The following RHOU variants were observed in gnomAD, a reference collection of about 807,000 sequenced individuals.
RHOU encodes the protein ras homolog family member U.
RHOU carries 8 observed loss-of-function variants against 12.6 expected under a neutral mutation model. That is an observed-to-expected ratio of 0.64 (90% CI 0.37 to 1.15). RHOU has a LOEUF of 1.15. Ranked by LOEUF, RHOU falls within the 50% of genes most tolerant of loss-of-function variation. RHOU has a pLI of 0.01. For missense variants in RHOU, 258 were observed against 347.0 expected, an observed-to-expected ratio of 0.74 and a Z score of 2.04; for synonymous variants, 161 against 147.4, an observed-to-expected ratio of 1.09 and a Z score of -0.67.
At chr1:228,647,602 C>A in the RHOU span, among the ~76,000 whole-genome samples, 1 of 152,172 alleles carries the variant, frequency 6.6e-6, no homozygotes, top group East Asian at 1.9e-4. Context: ...GTTGCGACTG[C>A]GCCGGATGAG....
Position 228,744,011 on chromosome 1 carries a change from T to C in RHOU, c.*271T>C, listed in dbSNP as rs1057100384. 5.6e-6 allele frequency: 2 copies of C among 357,730 alleles called. No homozygotes were observed. The highest frequency in any genetic ancestry group is 9.0e-5 in the Admixed American group (2 of 22,166). 22.2% of individuals were successfully genotyped at this position (357,730 alleles called of 1,614,324 possible). A position where few individuals can be genotyped will look rare whatever the true frequency, so the allele number is the denominator to read the frequency against. On this transcript the variant is annotated 3_prime_UTR_variant, in exon 3 of 3. Transcript: ENST00000366691. Reference sequence around the variant, plus strand: ...TTTAGAGTTCTAGACCTCTGGTTAATTTATATCTAATATGAAGAAGACACC... The same window carrying C: ...TTTAGAGTTCTAGACCTCTGGTTAACTTATATCTAATATGAAGAAGACACC...
rs531576303 is a variant in RHOU, at chr1:228,746,345, C to G, written c.*2605C>G. The G allele has an allele frequency of 6.6e-6, 1 of 152,266 alleles. No individual in the cohort carries two copies. Among genetic ancestry groups the G allele is most frequent in the African/African-American group, 2.4e-5 (1 of 41,554 alleles). The allele number at this position is 152,266 out of a possible 1,614,324, so 9.4% of individuals were successfully genotyped here. Reference sequence around the variant, plus strand: ...TATAAGAATTTTGCTTTAGAGAATGCCACTTTGGCTGAACTACAAGTGTAG... The same window carrying G: ...TATAAGAATTTTGCTTTAGAGAATGGCACTTTGGCTGAACTACAAGTGTAG... On this transcript the variant is annotated 3_prime_UTR_variant, in exon 3 of 3. Coordinates refer to ENST00000366691, the MANE Select transcript of RHOU (RefSeq NM_021205.6).
chr1:228,661,527 C>G, the RHOU span, among the ~76,000 whole-genome samples: 1 of 152,162 alleles, frequency 6.6e-6, no homozygotes, highest in African/African-American at 2.4e-5. Context: ...TAACACCACA[C>G]ACCTACAACC....
At chr1:228,661,858 A>AC in the RHOU span, among the ~76,000 whole-genome samples, 351 of 152,374 alleles carry the variant, frequency 2.3e-3, 1 homozygote, top group Middle Eastern at 0.014. Context: ...GAGCTTCTGC[A>AC]CAGCCAAAGA....
At chr1:228,711,293 A>G in the RHOU span, among the ~76,000 whole-genome samples, 8 of 152,072 alleles carry the variant, frequency 5.3e-5, no homozygotes, top group Non-Finnish European at 8.8e-5. Context: ...TTCTTCACAG[A>G]ATTGGAAAAA....
the RHOU span, among the ~76,000 whole-genome samples, chr1:228,707,146 GTA>G: frequency 4.2e-5 from 3 of 71,366 alleles, no homozygotes; most frequent in East Asian, 3.9e-4. Context: ...ATATATATAT[GTA>G]TATATATACA....
the RHOU span, chr1:228,650,937 T>C: frequency 2.7e-6 from 1 of 366,144 alleles, no homozygotes; most frequent in Non-Finnish European, 5.4e-6. Flanking sequence ...ATGGCTGACA[T>C]TAGCTCTCAC....
In RHOU at chr1:228,736,017, G is replaced by A; in HGVS notation, c.262+13G>A. 1 of 1,573,182 alleles carries A rather than the reference G, an allele frequency of 6.4e-7. No homozygotes were observed. On this transcript the variant is annotated intron_variant, in intron 1 of 2. Coordinates refer to ENST00000366691, the MANE Select transcript of RHOU (RefSeq NM_021205.6). ...GACAACTTCTCCGGTGAGCTGGCCG[G>A]GGGGCCGGGGCCGGGGGCGCGTGGC...
upstream of RHOU, among the ~76,000 whole-genome samples, chr1:228,732,252 T>A (rs1662512851): frequency 1.3e-5 from 2 of 152,198 alleles, no homozygotes. Context: ...CAACATTAAG[T>A]TTCTGATTTC....
the RHOU span, among the ~76,000 whole-genome samples, chr1:228,673,751 T>C: frequency 6.6e-6 from 1 of 152,222 alleles, no homozygotes; most frequent in Non-Finnish European, 1.5e-5. Flanking sequence ...GTGAGCCAAA[T>C]AGACTTATTT....
chr1:228,654,405 C>T, the RHOU span, among the ~76,000 whole-genome samples: 4 of 152,172 alleles, frequency 2.6e-5, no homozygotes, highest in African/African-American at 4.8e-5. Context: ...CAATATCCAG[C>T]ATAAATGGAT....
chr1:228,676,057 A>G, the RHOU span, among the ~76,000 whole-genome samples: 2 of 152,190 alleles, frequency 1.3e-5, no homozygotes, highest in Non-Finnish European at 1.5e-5. Context: ...CAGTTAGTCT[A>G]GAGCCCACAT....
At chr1:228,682,064 T>C in the RHOU span, among the ~76,000 whole-genome samples, 3,084 of 152,268 alleles carry the variant, frequency 0.02, 107 homozygotes, top group African/African-American at 0.07. Context: ...CTTCCTAAGT[T>C]GGTGACTGGC....
chr1:228,685,123 G>A, the RHOU span, among the ~76,000 whole-genome samples: 1 of 152,170 alleles, frequency 6.6e-6, no homozygotes, highest in African/African-American at 2.4e-5. Context: ...CCATGGTGCT[G>A]GTAGGAGCGT....
At chr1:228,662,451 A>C in the RHOU span, among the ~76,000 whole-genome samples, 1 of 152,204 alleles carries the variant, frequency 6.6e-6, no homozygotes, top group Non-Finnish European at 1.5e-5. Flanking sequence ...TCAATGATAG[A>C]CTGGGTTAAG....
At chr1:228,647,433 G>T in the RHOU span, among the ~76,000 whole-genome samples, 2 of 152,200 alleles carry the variant, frequency 1.3e-5, no homozygotes, top group Non-Finnish European at 2.9e-5. Flanking sequence ...CGAAGTGCGG[G>T]GCAATAGGAA....
chr1:228,738,332 G>A lies in RHOU; in HGVS notation c.321+601G>A, dbSNP rs1190668976. On this transcript the variant is annotated intron_variant, in intron 2 of 2. Transcript: ENST00000366691. The surrounding 1 kb of genome is among the most constrained non-coding windows in gnomAD (Gnocchi z 4.2). ...AACGCTGGTTCTTGTCTCGAGGGCT[G>A]GGCCCTTGGAGGAAATAGCCAGGGA... 2.6e-5 allele frequency among the ~76,000 whole-genome samples: 4 copies of A among 152,288 alleles called. No individual in the cohort carries two copies. Among genetic ancestry groups the A allele is most frequent in the African/African-American group, 9.6e-5 (4 of 41,554 alleles).
chr1:228,656,609 A>C, the RHOU span, among the ~76,000 whole-genome samples: 1 of 152,224 alleles, frequency 6.6e-6, no homozygotes, highest in African/African-American at 2.4e-5. Flanking sequence ...AATTGGTATA[A>C]ATTCAAATTT....
At chr1:228,647,376 G>T in the RHOU span, among the ~76,000 whole-genome samples, 1 of 152,206 alleles carries the variant, frequency 6.6e-6, no homozygotes, top group South Asian at 2.1e-4. Context: ...TACCGGGCGC[G>T]TCCGGAGGCC....
Sources: allele counts gnomAD v4.1 joint callset (sites outside exome capture counted in the v4.1 genomes callset), GRCh38; gene constraint gnomAD v4.1.1; non-coding constraint Gnocchi (gnomAD v3.1); transcripts MANE v1.5; gene names NCBI Gene and HGNC (gene_info 2026-07-23, HGNC 2026-07-21).